The following SEMA6D variants were observed in gnomAD, a reference collection of about 807,000 sequenced individuals.
SEMA6D encodes semaphorin-6D.
A neutral mutation model predicts 106.6 loss-of-function variants in SEMA6D; 35 were observed. The ratio of observed to expected loss-of-function variants is 0.33; its 90% CI spans 0.25 to 0.44. SEMA6D has a LOEUF of 0.44. SEMA6D is among the 20% of genes least tolerant of loss of function. SEMA6D has a pLI of 1.00. For missense variants in SEMA6D, 1,185 were observed against 1,345.9 expected (o/e 0.88, Z 1.87); for synonymous variants, 499 against 487.7 (o/e 1.02, Z -0.31).
rs183123936 is a variant in SEMA6D at position 47,486,566 on chromosome 15, C to T, written c.-87+16021C>T. ...TTGCCAGACAGCTGGACGTGCACTA[C>T]AATGAAGAAAACAGACCTACCAAAG... is the stretch of plus-strand genomic sequence containing the variant. On this transcript the variant is annotated intron_variant, in intron 3 of 19. Transcript: ENST00000558014. 6.6e-5 allele frequency among the ~76,000 whole-genome samples: 10 copies of T among 152,296 alleles called. No homozygotes were observed. In the East Asian group the frequency reaches 1.9e-3, roughly 29 times the overall value.
Position 47,770,557 on chromosome 15 carries a change from T to C in SEMA6D, c.1994T>C (p.Ile665Thr). 1 of 1,613,620 alleles carries C rather than the reference T, an allele frequency of 6.2e-7. No individual in the cohort carries two copies. The highest frequency in any genetic ancestry group is 8.5e-7 in the Non-Finnish European group (1 of 1,179,624). ...SNQMVHMNVLITCVFAAFVLG... is the reference protein window; with the variant it reads ...SNQMVHMNVLTTCVFAAFVLG... ...CAGATGGTCCACATGAATGTCCTCATCACCTGTGTCTTTGCTGCTTTTGTT... is the reference window on the plus strand; with the variant it reads ...CAGATGGTCCACATGAATGTCCTCACCACCTGTGTCTTTGCTGCTTTTGTT... Residue 665 changes from isoleucine (I) to threonine (T), a missense_variant, in exon 19 of 19, where the codon ATC (isoleucine) becomes ACC (threonine). Physicochemically the swap from Ile to Thr is moderately conservative, Grantham distance 89 (BLOSUM62 -1). Transcript: ENST00000536845.
chr15:47,458,485 A>G lies in SEMA6D; in HGVS notation c.-158-11989A>G, dbSNP rs1445317035. ...CATAAAAGAAGTCTTATTAATTTAA[A>G]AAGAATTCAAAATATGCAAAATATA... is the stretch of plus-strand genomic sequence containing the variant. On this transcript the variant is annotated intron_variant, in intron 2 of 19. Transcript: ENST00000558014. 2.0e-5 allele frequency among the ~76,000 whole-genome samples: 3 copies of G among 152,134 alleles called. No homozygotes were observed. In the East Asian group the frequency reaches 5.8e-4, roughly 29 times the overall value.
chr15:47,614,888 G>A (rs2076978298), intron 4 of SEMA6D, among the ~76,000 whole-genome samples: 1 of 152,088 alleles, frequency 6.6e-6, no homozygotes, highest in Admixed American at 6.5e-5. Context: ...CCATCCTACA[G>A]GTTTAATCTG....
intron 1 of SEMA6D, chr15:47,730,058 TTTTAGTTTAG>T: frequency 1.5e-6 from 1 of 666,812 alleles, no homozygotes; most frequent in Admixed American, 2.6e-5. Flanking sequence ...TCCCATTTTA[TTTTAGTTTAG>T]TTTAGTTTAG....
intron 3 of SEMA6D, among the ~76,000 whole-genome samples, chr15:47,518,973 C>G (rs2044480555): frequency 6.6e-6 from 1 of 152,036 alleles, no homozygotes; most frequent in Non-Finnish European, 1.5e-5. Context: ...GGCTGTAATC[C>G]TAGCACTTTG....
chr15:47,614,055 A>G (rs985671296), intron 4 of SEMA6D, among the ~76,000 whole-genome samples: 3 of 152,240 alleles, frequency 2.0e-5, no homozygotes, highest in African/African-American at 7.2e-5. Context: ...TTTTATATCC[A>G]GTTCTAATTC....
At chr15:47,357,105 C>T (rs1033565816) in intron 1 of SEMA6D, among the ~76,000 whole-genome samples, 41 of 152,070 alleles carry the variant, frequency 2.7e-4, no homozygotes, top group African/African-American at 8.4e-4. Context: ...GAGGCGGAGG[C>T]GGGCGGATCA....
At chr15:47,621,360 C>T (rs2077096017) in intron 4 of SEMA6D, among the ~76,000 whole-genome samples, 1 of 152,160 alleles carries the variant, frequency 6.6e-6, no homozygotes, top group Non-Finnish European at 1.5e-5. Context: ...ACTGTATGTC[C>T]AAACTCTTCC....
At chr15:47,506,599 AACACACACACACAC>A (rs61155774) in intron 3 of SEMA6D, among the ~76,000 whole-genome samples, 1 of 137,796 alleles carries the variant, frequency 7.3e-6, no homozygotes, top group African/African-American at 2.8e-5. Flanking sequence ...CACACACACA[AACACACACACACAC>A]ACACACACAC....
chr15:47,555,606 G>A (rs1027962635), intron 3 of SEMA6D, among the ~76,000 whole-genome samples: 1 of 152,122 alleles, frequency 6.6e-6, no homozygotes, highest in African/African-American at 2.4e-5. Context: ...GTGGTGGGGA[G>A]TCTCCTACAA....
intron 1 of SEMA6D, among the ~76,000 whole-genome samples, chr15:47,335,713 T>C (rs949603236): frequency 1.8e-4 from 28 of 152,062 alleles, no homozygotes; most frequent in African/African-American, 6.8e-4. Context: ...GTCTCACTGA[T>C]ACTAAGGACA....
At chr15:47,411,427 A>G (rs752605176) in intron 1 of SEMA6D, among the ~76,000 whole-genome samples, 3 of 152,108 alleles carry the variant, frequency 2.0e-5, no homozygotes, top group African/African-American at 4.8e-5. Flanking sequence ...AACTACCCCT[A>G]TAGTTCTGCT....
chr15:47,409,861 A>G (rs1359684075), intron 1 of SEMA6D, among the ~76,000 whole-genome samples: 2 of 144,830 alleles, frequency 1.4e-5, no homozygotes, highest in East Asian at 4.6e-4. Flanking sequence ...ATGCATCACA[A>G]GTAAATTCAT....
At chr15:47,491,685 CAAT>C (rs908533893) in intron 3 of SEMA6D, among the ~76,000 whole-genome samples, 1 of 151,992 alleles carries the variant, frequency 6.6e-6, no homozygotes, top group Non-Finnish European at 1.5e-5. Context: ...ATGCATATAA[CAAT>C]AATATCATAC....
At chr15:47,523,987 C>T (rs1334480493) in intron 3 of SEMA6D, among the ~76,000 whole-genome samples, 1 of 152,160 alleles carries the variant, frequency 6.6e-6, no homozygotes, top group Non-Finnish European at 1.5e-5. Flanking sequence ...TAAACACCCT[C>T]GGCAGAGGAC....
chr15:47,579,466 C>T (rs1399456344), intron 3 of SEMA6D, among the ~76,000 whole-genome samples: 1 of 152,042 alleles, frequency 6.6e-6, no homozygotes. Flanking sequence ...TTAATGAGAA[C>T]CAAGCTTTGC....
At chr15:47,192,098 G>T (rs1334394849) in intron 1 of SEMA6D, among the ~76,000 whole-genome samples, 7 of 152,132 alleles carry the variant, frequency 4.6e-5, no homozygotes, top group Non-Finnish European at 8.8e-5. Context: ...TGTTCTTAAG[G>T]TTATCAGGTG....
chr15:47,322,490 A>G (rs115630418), intron 1 of SEMA6D, among the ~76,000 whole-genome samples: 2,474 of 152,202 alleles, frequency 0.016, 62 homozygotes, highest in African/African-American at 0.057. Context: ...TCATCATTAG[A>G]TTGATGTTAT....
chr15:47,703,904 T>C (rs2078863241), intron 4 of SEMA6D, among the ~76,000 whole-genome samples: 1 of 152,156 alleles, frequency 6.6e-6, no homozygotes, highest in East Asian at 1.9e-4. Flanking sequence ...CTAATAAAAT[T>C]AATCACTCTT....
Sources: gnomAD v4.1 joint callset for allele counts (sites outside exome capture counted in the v4.1 genomes callset) on GRCh38, gnomAD v4.1.1 for gene constraint, MANE v1.5 for transcripts, NCBI Gene and HGNC (gene_info 2026-07-23, HGNC 2026-07-21) for gene names.